The following GDPD5 variants were observed in gnomAD, a reference collection of about 807,000 sequenced individuals.
The protein encoded by GDPD5 is glycerophosphodiester phosphodiesterase 2.
A neutral mutation model predicts 75.1 loss-of-function variants in GDPD5; 48 were observed. The observed-to-expected ratio is 0.64, with a 90% confidence interval of 0.51 to 0.81. The LOEUF (loss-of-function observed/expected upper bound fraction) is 0.81. Ranked by LOEUF, GDPD5 falls within the 40% of genes least tolerant of loss-of-function variation. The pLI, the probability that GDPD5 is intolerant of heterozygous loss-of-function variation, is 0.00. For synonymous variants in GDPD5, 336 were observed against 339.0 expected, an observed-to-expected ratio of 0.99 and a Z score of 0.10; for missense variants, 706 against 822.6, an observed-to-expected ratio of 0.86 and a Z score of 1.73.
intron 3 of GDPD5, among the ~76,000 whole-genome samples, chr11:75,473,104 C>T (rs1336687929): frequency 1.3e-5 from 2 of 151,234 alleles, no homozygotes; most frequent in Admixed American, 6.6e-5. Context: ...GGGTGGCTGG[C>T]GTGGACGAGC....
rs761176394 is a variant in GDPD5 at position 75,439,973 on chromosome 11, C to T, written c.1474-12G>A. ...TACTCGTCCGGGGGCTGTGGACAGA[C>T]GGCCCGAGGCCAACTTCCAGTCATG... On this transcript the variant is annotated splice_polypyrimidine_tract_variant and intron_variant, in intron 14 of 16. Coordinates refer to ENST00000336898, the MANE Select transcript of GDPD5 (RefSeq NM_030792.8). 3.4e-5 allele frequency: 55 copies of T among 1,606,790 alleles called. No individual in the cohort carries two copies. Among genetic ancestry groups the T allele is most frequent in the East Asian group, 1.1e-4 (5 of 44,714 alleles).
chr11:75,510,630 C>T (rs1215454250), intron 1 of GDPD5, among the ~76,000 whole-genome samples: 1 of 152,156 alleles, frequency 6.6e-6, no homozygotes, highest in Non-Finnish European at 1.5e-5. Flanking sequence ...AATGCCCTTC[C>T]CAGCCACCTG....
At chr11:75,472,057 G>A (rs1949679137) in intron 3 of GDPD5, among the ~76,000 whole-genome samples, 1 of 152,166 alleles carries the variant, frequency 6.6e-6, no homozygotes, top group South Asian at 2.1e-4. Flanking sequence ...TTTGTAGGGA[G>A]GGCACGTTTT....
chr11:75,509,473 G>C (rs566457549), intron 1 of GDPD5, among the ~76,000 whole-genome samples: 1 of 152,228 alleles, frequency 6.6e-6, no homozygotes, highest in African/African-American at 2.4e-5. Flanking sequence ...TTCCTGAAAA[G>C]AGGTGAGTGG....
chr11:75,481,171 C>G (rs937874059), intron 2 of GDPD5, among the ~76,000 whole-genome samples: 1 of 152,132 alleles, frequency 6.6e-6, no homozygotes, highest in Non-Finnish European at 1.5e-5. Context: ...CAGCACTGAG[C>G]CAAGGCTTGG....
In GDPD5 at chr11:75,441,193, C is replaced by G. The variant is rs201470328; in HGVS notation, c.1443G>C (p.Leu481=). 35 of 1,613,980 alleles carry G rather than the reference C, an allele frequency of 2.2e-5. No homozygotes were observed. The highest frequency in any genetic ancestry group is 4.5e-5 in the East Asian group (2 of 44,880). The change falls in exon 14 of 17, where the codon CTG becomes CTC. Residue 481 remains leucine, a synonymous_variant. Transcript: ENST00000336898. ...PSVTSDNSHA[L]SQVPSPLWIM... is the part of the protein sequence containing the mutation. ...TCCAGAGGGGGGAAGGCACCTGGGA[C>G]AGGGCGTGGGAGTTGTCAGAGGTGA...
intron 6 of GDPD5, 170 bp downstream of exon 6, chr11:75,456,587 G>T: frequency 1.6e-6 from 1 of 628,356 alleles, no homozygotes. Context: ...GAATGAAGAC[G>T]GGTGAGGTTG....
chr11:75,437,124 G>A (rs1554994966), intron 15 of GDPD5, 76 bp from the exon 16 acceptor site: 1 of 1,090,352 alleles, frequency 9.2e-7, no homozygotes, highest in Non-Finnish European at 1.4e-6. Context: ...TACTTCCAGA[G>A]CCTCTCTGGA....
intron 1 of GDPD5, among the ~76,000 whole-genome samples, chr11:75,503,426 G>A (rs540102897): frequency 3.9e-5 from 6 of 152,226 alleles, no homozygotes; most frequent in Non-Finnish European, 8.8e-5. Context: ...TCACTTCAGA[G>A]AAGGATCTGA....
chr11:75,499,027 C>G (rs1164277206), intron 1 of GDPD5, among the ~76,000 whole-genome samples: 1 of 152,072 alleles, frequency 6.6e-6, no homozygotes, highest in Non-Finnish European at 1.5e-5. Context: ...GTTTCCTATT[C>G]CCTTAGCAGG....
chr11:75,462,233 A>G (rs1056389027), intron 4 of GDPD5, among the ~76,000 whole-genome samples: 1 of 152,124 alleles, frequency 6.6e-6, no homozygotes, highest in Non-Finnish European at 1.5e-5. Flanking sequence ...CCTATTGTCC[A>G]TGGTCACAGC....
chr11:75,456,632 C>T, intron 6 of GDPD5, 125 bp downstream of exon 6: 1 of 885,792 alleles, frequency 1.1e-6, no homozygotes, highest in Non-Finnish European at 1.8e-6. Context: ...GAGTGCTCAG[C>T]CTTAGCTATG....
At chr11:75,438,837 T>C (rs1044956515) in intron 15 of GDPD5, 6 of 163,266 alleles carry the variant, frequency 3.7e-5, no homozygotes, top group Non-Finnish European at 6.6e-5. Flanking sequence ...GTGTTAGAGA[T>C]AGAATGTAAA....
intron 2 of GDPD5, among the ~76,000 whole-genome samples, chr11:75,481,273 C>T (rs761245964): frequency 2.0e-5 from 3 of 152,240 alleles, no homozygotes; most frequent in Non-Finnish European, 4.4e-5. Context: ...ACTTCTACCA[C>T]CAGGCCTCAC....
chr11:75,466,839 A>T (rs1949527817), intron 3 of GDPD5, among the ~76,000 whole-genome samples: 1 of 152,076 alleles, frequency 6.6e-6, no homozygotes, highest in Non-Finnish European at 1.5e-5. Context: ...GGGGAGTCAG[A>T]GGGGTCAGCA....
chr11:75,479,551 T>C (rs1034318334), intron 2 of GDPD5: 3 of 152,254 alleles, frequency 2.0e-5, no homozygotes, highest in African/African-American at 7.2e-5. Context: ...CCATAAAATT[T>C]ACCCTTTTAA....
At chr11:75,461,481 A>G (rs1949411609) in intron 4 of GDPD5, among the ~76,000 whole-genome samples, 1 of 152,176 alleles carries the variant, frequency 6.6e-6, no homozygotes, top group African/African-American at 2.4e-5. Context: ...AAAAGTGGAC[A>G]CCCAGCTCCA....
chr11:75,481,006 TGGCCCTTTAGA>T (rs1949903266), intron 2 of GDPD5, among the ~76,000 whole-genome samples: 1 of 152,126 alleles, frequency 6.6e-6, no homozygotes, highest in Non-Finnish European at 1.5e-5. Context: ...ACTGACTGTC[TGGCCCTTTAGA>T]GGGAAAGTTT....
chr11:75,477,854 C>G (rs1042933227), intron 2 of GDPD5, 59 bp from the exon 3 acceptor site: 21 of 603,836 alleles, frequency 3.5e-5, no homozygotes, highest in African/African-American at 3.1e-4. Flanking sequence ...AGGCACCACA[C>G]AGCAAGTCAT....
Sources: allele counts gnomAD v4.1 joint callset (sites outside exome capture counted in the v4.1 genomes callset), GRCh38; gene constraint gnomAD v4.1.1; transcripts MANE v1.5; gene names NCBI Gene and HGNC (gene_info 2026-07-23, HGNC 2026-07-21).